PCNT: variants seen among roughly 807,000 people sequenced by gnomAD.
PCNT encodes kendrin.
In PCNT, 319 loss-of-function variants were observed where a neutral mutation model predicts 380.4. The ratio of observed to expected loss-of-function variants is 0.84; its 90% CI spans 0.77 to 0.92. PCNT has a LOEUF of 0.92. Ranked by LOEUF, PCNT falls within the 40% of genes least tolerant of loss-of-function variation. The pLI is 0.00. For synonymous variants in PCNT, 1,845 were observed against 1,735.2 expected (o/e 1.06, Z -1.57); for missense variants, 4,400 against 4,255.3 (o/e 1.03, Z -0.95).
At position 46,401,568 on chromosome 21, in the gene PCNT, G is replaced by A. The variant is rs1357488023; in HGVS notation, c.4809G>A (p.Lys1603=). Residue 1603 remains lysine, a synonymous_variant, in exon 26 of 47, where the codon AAG becomes AAA. Coordinates refer to ENST00000359568, the MANE Select transcript of PCNT (RefSeq NM_006031.6). The part of the protein sequence containing the change: ...KGLEQDKEVL[K]KQQMSSLLLA... ...TTTAATAGGATAAAGAGGTGTTAAA[G>A]AAACAGCAGATGAGTAGCTTGCTTC... 6.2e-7 allele frequency: 1 copy of A among 1,613,538 alleles called. No homozygotes were observed. Among genetic ancestry groups the A allele is most frequent in the Admixed American group, 1.7e-5 (1 of 60,002 alleles).
At position 46,431,620 on chromosome 21, in the gene PCNT, A is replaced by G; in HGVS notation, c.8156A>G (p.Gln2719Arg). The change falls in exon 38 of 47, where the codon CAG becomes CGG. Residue 2719 changes from glutamine (Q) to arginine (R), a missense_variant. Gln to Arg is a conservative substitution (Grantham distance 43). Coordinates refer to ENST00000359568, the MANE Select transcript of PCNT (RefSeq NM_006031.6). ...GAGCAGACGGCCAAGGACAACCTGC[A>G]GAAGGAGCTGCGTATCGAGCACTCA... The part of the protein sequence containing the change: ...KHEQTAKDNL[Q>R]KELRIEHSRC... 1 of 1,614,060 alleles carries G rather than the reference A, an allele frequency of 6.2e-7. No individual in the cohort carries two copies. The highest frequency in any genetic ancestry group is 1.3e-5 in the African/African-American group (1 of 75,076).
rs2084440980 is a variant in PCNT at position 46,355,526 on chromosome 21, C to T, written c.1836C>T (p.Leu612=). Residue 612 remains leucine (L), a synonymous_variant, in exon 12 of 47, where the codon CTC becomes CTT. Coordinates refer to ENST00000359568, the MANE Select transcript of PCNT (RefSeq NM_006031.6). ...RHQLEALESP[L]CIQHEGHVSD... ...AGCTGGAAGCGCTGGAGTCTCCCCT[C>T]TGCATCCAGCACGAGGGGCATGTCT... 2 of 1,614,104 alleles carry T rather than the reference C, an allele frequency of 1.2e-6. No individual in the cohort carries two copies. Among genetic ancestry groups the T allele is most frequent in the Non-Finnish European group, 1.7e-6 (2 of 1,180,002 alleles).
chr21:46,415,990 T>G, intron 29 of PCNT, 79 bp from the exon 30 acceptor site: 1 of 1,422,336 alleles, frequency 7.0e-7, no homozygotes, highest in African/African-American at 1.4e-5. Context: ...CTCCCTGAAA[T>G]CCACTCATTA....
intron 27 of PCNT, among the ~76,000 whole-genome samples, chr21:46,410,794 AG>A (rs1470427822): frequency 6.6e-6 from 1 of 152,250 alleles, no homozygotes; most frequent in Admixed American, 6.5e-5. Flanking sequence ...TTCTCTGCCT[AG>A]GTTTCTTACT....
chr21:46,377,409 A>G (rs1274727467), intron 15 of PCNT, among the ~76,000 whole-genome samples: 1 of 152,268 alleles, frequency 6.6e-6, no homozygotes, highest in Non-Finnish European at 1.5e-5. Context: ...TCACATGCCA[A>G]GTCAAAACAC....
At chr21:46,403,588 G>A (rs1449133102) in intron 27 of PCNT, among the ~76,000 whole-genome samples, 3 of 123,538 alleles carry the variant, frequency 2.4e-5, no homozygotes, top group Non-Finnish European at 5.2e-5. Flanking sequence ...GCACATGCTC[G>A]GTGAGTGAAC....
At chr21:46,339,418 T>C (rs1468173848) in intron 3 of PCNT, among the ~76,000 whole-genome samples, 1 of 152,170 alleles carries the variant, frequency 6.6e-6, no homozygotes, top group Admixed American at 6.6e-5. Flanking sequence ...TAGATAGACA[T>C]ATAAAGGGGA....
At chr21:46,426,279 G>A (rs944554368) in intron 33 of PCNT, among the ~76,000 whole-genome samples, 2 of 151,964 alleles carry the variant, frequency 1.3e-5, no homozygotes, top group Non-Finnish European at 2.9e-5. Context: ...TGATCCACCC[G>A]CCTCAGCCTC....
chr21:46,442,875 C>G (rs929289501), intron 44 of PCNT: 5 of 434,860 alleles, frequency 1.1e-5, no homozygotes, highest in African/African-American at 4.0e-5. Context: ...TTCCTTAAAT[C>G]AACTGAAACT....
At chr21:46,403,488 G>A (rs1169574419) in intron 27 of PCNT, among the ~76,000 whole-genome samples, 7 of 127,948 alleles carry the variant, frequency 5.5e-5, no homozygotes, top group African/African-American at 2.0e-4. Flanking sequence ...TGAACACAGC[G>A]TGGGAGAATT....
chr21:46,387,305 G>A (rs867390732), intron 17 of PCNT, among the ~76,000 whole-genome samples: 1 of 152,188 alleles, frequency 6.6e-6, no homozygotes, highest in Admixed American at 6.5e-5. Context: ...GTAGCACTTG[G>A]CTGTGGGTGT....
At chr21:46,398,196 T>G in intron 23 of PCNT, 39 bp from the exon 24 acceptor site, 1 of 1,607,794 alleles carries the variant, frequency 6.2e-7, no homozygotes, top group Non-Finnish European at 8.5e-7. Flanking sequence ...GCTTTAACTT[T>G]CTTTAAATTT....
chr21:46,397,631 C>A, intron 22 of PCNT, 137 bp downstream of exon 22: 1 of 754,822 alleles, frequency 1.3e-6, no homozygotes, highest in Non-Finnish European at 2.3e-6. Context: ...ACAGGTGCAC[C>A]CAGGTCGCTG....
At position 46,441,043 on chromosome 21, in the gene PCNT, C is replaced by G; in HGVS notation, c.9582C>G (p.Thr3194=). The G allele has an allele frequency of 1.9e-6, 3 of 1,614,066 alleles. No individual in the cohort carries two copies. Among genetic ancestry groups the G allele is most frequent in the Non-Finnish European group, 2.5e-6 (3 of 1,179,936 alleles). The change falls in exon 43 of 47, where the codon ACC becomes ACG. Residue 3194 remains threonine (T), a synonymous_variant. Transcript: ENST00000359568. ...AERKITSRPF[T]RFRTAVRVVI... ...GGAAAATCACATCTCGTCCTTTCACCAGGTTCCGCACGGCCGTCAGGGTGG... is the reference window on the plus strand; with the variant it reads ...GGAAAATCACATCTCGTCCTTTCACGAGGTTCCGCACGGCCGTCAGGGTGG...
chr21:46,427,075 C>T (rs1391265601), intron 33 of PCNT, among the ~76,000 whole-genome samples: 1 of 152,210 alleles, frequency 6.6e-6, no homozygotes, highest in Non-Finnish European at 1.5e-5. Context: ...CGGGTAGCCC[C>T]TTGCAGCCTT....
intron 30 of PCNT, 74 bp downstream of exon 30, chr21:46,416,913 A>G (rs531430824): frequency 3.4e-6 from 5 of 1,492,492 alleles, no homozygotes; most frequent in South Asian, 1.2e-5. Flanking sequence ...GGCAGCTGCC[A>G]TTGTTTGTTC....
At chr21:46,409,631 GCT>G in intron 27 of PCNT, among the ~76,000 whole-genome samples, 1 of 151,580 alleles carries the variant, frequency 6.6e-6, no homozygotes, top group South Asian at 2.1e-4. Flanking sequence ...ACACTATCTT[GCT>G]CTGTCGCCCA....
intron 25 of PCNT, among the ~76,000 whole-genome samples, chr21:46,401,314 T>C (rs996716996): frequency 1.3e-5 from 2 of 152,232 alleles, no homozygotes; most frequent in South Asian, 2.1e-4. Flanking sequence ...TTCCTCACAG[T>C]GGACTCGGGC....
In PCNT at chr21:46,403,351, C is replaced by T. The variant is rs372026275; in HGVS notation, c.5115+868C>T. Among the ~76,000 whole-genome samples, 230 of 137,618 alleles carry T rather than the reference C, an allele frequency of 1.7e-3. 1 individual carries two copies. The East Asian group carries it at 0.041, about 24-fold the overall frequency. The allele number at this position is 137,618 out of a possible 152,430, so 90.3% of individuals were successfully genotyped here. The stretch of plus-strand genomic sequence containing the variant: ...GTGTGTGTGTGGTGCCCACGCGGCG[C>T]GTGCTCGGTGAATGAACACAGCGTG... On this transcript the variant is annotated intron_variant, in intron 27 of 46. Coordinates refer to ENST00000359568, the MANE Select transcript of PCNT (RefSeq NM_006031.6).
Sources: allele counts gnomAD v4.1 joint callset (sites outside exome capture counted in the v4.1 genomes callset), GRCh38; gene constraint gnomAD v4.1.1; transcripts MANE v1.5; gene names NCBI Gene and HGNC (gene_info 2026-07-23, HGNC 2026-07-21).